The following FHIT variants were observed in gnomAD, a reference collection of about 807,000 sequenced individuals.
FHIT encodes the protein fragile histidine triad diadenosine triphosphatase, also known as bis(5'-adenosyl)-triphosphatase.
A neutral mutation model predicts 17.9 loss-of-function variants in FHIT; 19 were observed. The ratio of observed to expected loss-of-function variants is 1.06; its 90% CI spans 0.74 to 1.56. The LOEUF is 1.56. Ranked by LOEUF, FHIT falls within the 40% of genes most tolerant of loss-of-function variation. The pLI, the probability that FHIT is intolerant of heterozygous loss-of-function variation, is 0.00. For synonymous variants in FHIT, 81 were observed against 69.7 expected (o/e 1.16, Z -0.81); for missense variants, 248 against 189.2 (o/e 1.31, Z -1.82).
intron 3 of FHIT, among the ~76,000 whole-genome samples, chr3:60,948,331 G>C (rs1476080790): frequency 6.6e-6 from 1 of 152,192 alleles, no homozygotes; most frequent in African/African-American, 2.4e-5. Flanking sequence ...GCCAGCCTTG[G>C]ATCCATTTTG....
At chr3:60,415,440 G>A (rs867761672) in intron 5 of FHIT, among the ~76,000 whole-genome samples, 3 of 152,056 alleles carry the variant, frequency 2.0e-5, no homozygotes, top group Admixed American at 6.6e-5. Flanking sequence ...GTGAAGCTAC[G>A]ACAATCATTA....
At chr3:59,838,503 T>G (rs1184278224) in intron 8 of FHIT, among the ~76,000 whole-genome samples, 3 of 152,180 alleles carry the variant, frequency 2.0e-5, no homozygotes, top group Non-Finnish European at 4.4e-5. Context: ...CCAGAACCCA[T>G]CTCAGCTTGT....
chr3:60,402,625 A>T (rs746908042), intron 5 of FHIT, among the ~76,000 whole-genome samples: 1 of 152,174 alleles, frequency 6.6e-6, no homozygotes, highest in Non-Finnish European at 1.5e-5. Context: ...TCTGACAGAC[A>T]CCTGTTTGCA....
chr3:60,581,458 T>C (rs2037747569), intron 4 of FHIT, among the ~76,000 whole-genome samples: 1 of 152,240 alleles, frequency 6.6e-6, no homozygotes, highest in Non-Finnish European at 1.5e-5. Context: ...TTATCTCCTC[T>C]ACTTTTCTTA....
intron 5 of FHIT, among the ~76,000 whole-genome samples, chr3:60,122,965 G>T (rs539268385): frequency 2.6e-5 from 4 of 152,176 alleles, no homozygotes; most frequent in Non-Finnish European, 5.9e-5. Flanking sequence ...CTAGTGCTGA[G>T]CACAGAGCAA....
At chr3:60,984,298 T>C (rs1363709048) in intron 3 of FHIT, among the ~76,000 whole-genome samples, 2 of 152,236 alleles carry the variant, frequency 1.3e-5, no homozygotes, top group Admixed American at 1.3e-4. Flanking sequence ...TGTTTCATTG[T>C]GGTGTTATAA....
At chr3:60,455,222 A>G (rs2032013800) in intron 5 of FHIT, among the ~76,000 whole-genome samples, 1 of 152,072 alleles carries the variant, frequency 6.6e-6, no homozygotes, top group African/African-American at 2.4e-5. Flanking sequence ...ATCAACCCCA[A>G]TCGGGTTGGG....
At chr3:59,778,665 G>T (rs112601062) in intron 8 of FHIT, among the ~76,000 whole-genome samples, 57 of 152,294 alleles carry the variant, frequency 3.7e-4, no homozygotes, top group African/African-American at 1.1e-3. Context: ...TGGCATGTGG[G>T]CCACAACTGG....
At chr3:60,731,019 T>C (rs2042017915) in intron 4 of FHIT, among the ~76,000 whole-genome samples, 1 of 151,026 alleles carries the variant, frequency 6.6e-6, no homozygotes, top group African/African-American at 2.4e-5. Context: ...TAATCCCAGC[T>C]ACTTGCGAGG....
chr3:61,045,795 G>C (rs1195539020), intron 2 of FHIT, among the ~76,000 whole-genome samples: 1 of 152,154 alleles, frequency 6.6e-6, no homozygotes, highest in Non-Finnish European at 1.5e-5. Flanking sequence ...CTGTCTCTCA[G>C]ACCACAGTGC....
At chr3:59,885,283 G>A (rs1438631615) in intron 8 of FHIT, among the ~76,000 whole-genome samples, 5 of 151,942 alleles carry the variant, frequency 3.3e-5, no homozygotes, top group East Asian at 1.9e-4. Context: ...TTCAGACACT[G>A]AAAATATTGC....
chr3:59,828,847 C>CTG (rs56245948), intron 8 of FHIT, among the ~76,000 whole-genome samples: 14 of 150,988 alleles, frequency 9.3e-5, no homozygotes, highest in African/African-American at 3.2e-4. Context: ...GGTACTCTCT[C>CTG]TGTGTGTGTG....
At chr3:60,268,419 T>A (rs1486587702) in intron 5 of FHIT, among the ~76,000 whole-genome samples, 1 of 152,190 alleles carries the variant, frequency 6.6e-6, no homozygotes, top group Non-Finnish European at 1.5e-5. Flanking sequence ...TGGCTGTATA[T>A]CCTAATGTGT....
At chr3:60,230,433 A>G (rs1229597727) in intron 5 of FHIT, among the ~76,000 whole-genome samples, 2 of 152,220 alleles carry the variant, frequency 1.3e-5, no homozygotes, top group Non-Finnish European at 2.9e-5. Flanking sequence ...CACTTTAAAA[A>G]TAACATTATC....
chr3:60,244,519 T>C (rs1252027258), intron 5 of FHIT, among the ~76,000 whole-genome samples: 1 of 152,072 alleles, frequency 6.6e-6, no homozygotes, highest in African/African-American at 2.4e-5. Flanking sequence ...TCATGTTGAT[T>C]AACAGTAAAT....
intron 5 of FHIT, among the ~76,000 whole-genome samples, chr3:60,179,831 G>C (rs76971751): frequency 2.0e-5 from 3 of 152,052 alleles, no homozygotes; most frequent in Non-Finnish European, 4.4e-5. Flanking sequence ...CTCTCTAAAC[G>C]GGTTCTCTTC....
chr3:60,500,621 A>C (rs942938534), intron 5 of FHIT, among the ~76,000 whole-genome samples: 6 of 151,516 alleles, frequency 4.0e-5, no homozygotes, highest in African/African-American at 1.5e-4. Flanking sequence ...AATACAAAAA[A>C]AATTAGTAGG....
intron 6 of FHIT, among the ~76,000 whole-genome samples, chr3:60,012,191 T>C (rs2106687299): frequency 6.6e-6 from 1 of 152,132 alleles, no homozygotes; most frequent in East Asian, 1.9e-4. Context: ...TCACAATCCA[T>C]TAGTGGGTCA....
chr3:60,415,732 TAAA>T lies in FHIT; in HGVS notation c.103+121125_103+121127del, dbSNP rs5849361. On this transcript the variant is annotated intron_variant, in intron 5 of 9. Coordinates refer to ENST00000492590, the MANE Select transcript of FHIT (RefSeq NM_002012.4). ...AGAAACTGAAGACAAACGCCTGAGT[TAAA>T]AAAAAAAAAAAAAGTCTCTATCATG... Among the ~76,000 whole-genome samples, 1,028 of 143,286 alleles carry T rather than the reference TAAA, an allele frequency of 7.2e-3. 7 individuals carry two copies. Among genetic ancestry groups the T allele is most frequent in the South Asian group, 0.028 (126 of 4,516 alleles). The allele number at this position is 143,286 out of a possible 152,430, so 94.0% of individuals were successfully genotyped here.
Sources: gnomAD v4.1 joint callset for allele counts (sites outside exome capture counted in the v4.1 genomes callset) on GRCh38, gnomAD v4.1.1 for gene constraint, MANE v1.5 for transcripts, NCBI Gene and HGNC (gene_info 2026-07-23, HGNC 2026-07-21) for gene names.